MAP3K15: variants seen among roughly 807,000 people sequenced by gnomAD.
MAP3K15 encodes mitogen-activated protein kinase kinase kinase 15, also known as MAPK/ERK kinase kinase 15.
MAP3K15 carries 124 observed loss-of-function variants against 99.5 expected under a neutral mutation model. That is an observed-to-expected ratio of 1.25 (90% CI 1.08 to 1.45). MAP3K15 has a LOEUF of 1.45. Ranked by LOEUF, MAP3K15 falls within the 40% of genes most tolerant of loss-of-function variation. The pLI is 0.00. For synonymous variants in MAP3K15, 494 were observed against 439.6 expected, an observed-to-expected ratio of 1.12 and a Z score of -1.55; for missense variants, 1,242 against 1,079.7, an observed-to-expected ratio of 1.15 and a Z score of -2.11.
At chrX:19,416,363 C>T (rs771995429) in intron 9 of MAP3K15, among the ~76,000 whole-genome samples, 135 of 110,992 alleles carry the variant, frequency 1.2e-3, no homozygotes, top group African/African-American at 4.3e-3. Flanking sequence ...AAAACTTCCA[C>T]CGTGTGAGAC....
rs764385078 is a variant in MAP3K15, at chrX:19,425,662, T to C, written c.1308A>G (p.Arg436=). 1 of 1,199,225 alleles carries C rather than the reference T, an allele frequency of 8.3e-7. No homozygotes were observed. Among genetic ancestry groups the C allele is most frequent in the Non-Finnish European group, 1.1e-6 (1 of 894,518 alleles). The change falls in exon 9 of 29, where the codon AGA becomes AGG. Residue 436 remains arginine, a synonymous_variant. Coordinates refer to ENST00000338883, the MANE Select transcript of MAP3K15 (RefSeq NM_001001671.4). ...IGVRLNSLLG[R]KGSLEKMNNY... Reference sequence around the variant, plus strand: ...TGTTCATTTTCTCCAAGCTCCCTTTTCTTCCCAACAAACTGTTCAGCCGGA... The same window carrying C: ...TGTTCATTTTCTCCAAGCTCCCTTTCCTTCCCAACAAACTGTTCAGCCGGA...
chrX:19,431,616 A>G lies in MAP3K15; in HGVS notation c.996-8T>C. 8.4e-7 allele frequency: 1 copy of G among 1,189,305 alleles called. No homozygotes were observed. On this transcript the variant is annotated splice_polypyrimidine_tract_variant and splice_region_variant and intron_variant, in intron 6 of 28. Transcript: ENST00000338883. ...TCACCTGTGCTGTTTCTCCTGAAAG[A>G]TAGATGTTATAAGGTCACAAATGAA...
At chrX:19,438,658 T>C (rs1215773306) in intron 6 of MAP3K15, among the ~76,000 whole-genome samples, 2 of 111,827 alleles carry the variant, frequency 1.8e-5, no homozygotes, top group Non-Finnish European at 3.8e-5. Context: ...TTTTCTATAC[T>C]GTGTGTCTGT....
intron 15 of MAP3K15, 82 bp downstream of exon 15, chrX:19,398,144 C>A: frequency 9.3e-7 from 1 of 1,079,662 alleles, no homozygotes; most frequent in Non-Finnish European, 1.2e-6. Context: ...TTGCCCTTAA[C>A]TCCTCCACAC....
At chrX:19,417,847 C>T (rs1484253491) in intron 9 of MAP3K15, among the ~76,000 whole-genome samples, 1 of 111,864 alleles carries the variant, frequency 8.9e-6, no homozygotes, top group African/African-American at 3.3e-5. Flanking sequence ...GACAAAACTT[C>T]CAGAGGAATG....
At chrX:19,428,286 G>A (rs968773515) in intron 7 of MAP3K15, among the ~76,000 whole-genome samples, 1 of 112,007 alleles carries the variant, frequency 8.9e-6, no homozygotes, top group African/African-American at 3.2e-5. Context: ...ACCACCTTCT[G>A]AAGCCGCTGG....
At chrX:19,462,200 A>G (rs992233282) in intron 4 of MAP3K15, among the ~76,000 whole-genome samples, 1 of 112,247 alleles carries the variant, frequency 8.9e-6, no homozygotes, top group Non-Finnish European at 1.9e-5. Context: ...ACAATGCCAA[A>G]TATGTGTACA....
intron 3 of MAP3K15, among the ~76,000 whole-genome samples, chrX:19,469,819 A>G (rs1380002450): frequency 9.0e-6 from 1 of 110,602 alleles, no homozygotes; most frequent in African/African-American, 3.3e-5. Flanking sequence ...ATCACTGGCC[A>G]TCAGAGAAAT....
intron 1 of MAP3K15, among the ~76,000 whole-genome samples, chrX:19,506,090 G>T (rs1023323667): frequency 9.0e-6 from 1 of 111,099 alleles, no homozygotes; most frequent in Non-Finnish European, 1.9e-5. Context: ...CTGCCACAAC[G>T]CCCAGCTAAT....
chrX:19,514,846 G>A, intron 1 of MAP3K15, 55 bp downstream of exon 1: 1 of 763,544 alleles, frequency 1.3e-6, no homozygotes. Flanking sequence ...CGGGTGCCCT[G>A]GCTCGTGTGA....
intron 1 of MAP3K15, among the ~76,000 whole-genome samples, chrX:19,507,611 GAAC>G (rs1481079430): frequency 8.1e-5 from 3 of 37,049 alleles, no homozygotes; most frequent in South Asian, 1.5e-3. Context: ...AAAAAAAAAA[GAAC>G]AACTAATATA....
intron 6 of MAP3K15, among the ~76,000 whole-genome samples, chrX:19,444,130 T>C (rs774731256): frequency 8.9e-6 from 1 of 111,987 alleles, no homozygotes; most frequent in Non-Finnish European, 1.9e-5. Context: ...TCATCTGACT[T>C]GCTGAGCAAC....
chrX:19,374,720 C>A, intron 19 of MAP3K15, 60 bp from the exon 20 acceptor site: 1 of 1,056,789 alleles, frequency 9.5e-7, no homozygotes, highest in South Asian at 2.1e-5. Flanking sequence ...TTCAGGTATC[C>A]ATGTCTCAGT....
intron 22 of MAP3K15, among the ~76,000 whole-genome samples, chrX:19,371,854 C>T (rs1006530526): frequency 2.7e-5 from 3 of 111,378 alleles, no homozygotes; most frequent in African/African-American, 6.5e-5. Flanking sequence ...GGAGGGGGGC[C>T]GGGCACGGTG....
chrX:19,399,757 A>AC (rs2063595191), intron 14 of MAP3K15, among the ~76,000 whole-genome samples: 1 of 106,812 alleles, frequency 9.4e-6, no homozygotes, highest in African/African-American at 3.4e-5. Context: ...AAAAAAAAAA[A>AC]AAAAAAAAAC....
At chrX:19,388,974 T>C (rs1199400990) in intron 18 of MAP3K15, among the ~76,000 whole-genome samples, 1 of 111,791 alleles carries the variant, frequency 8.9e-6, no homozygotes, top group Non-Finnish European at 1.9e-5. Flanking sequence ...AACAACGAAG[T>C]ACCCATACAC....
At chrX:19,412,044 G>T (rs971965153) in intron 11 of MAP3K15, among the ~76,000 whole-genome samples, 6 of 112,011 alleles carry the variant, frequency 5.4e-5, no homozygotes, top group African/African-American at 1.9e-4. Context: ...AGAGAGGATA[G>T]TGGCAGACAG....
chrX:19,483,329 A>G (rs1416592894), intron 3 of MAP3K15, among the ~76,000 whole-genome samples: 1 of 110,323 alleles, frequency 9.1e-6, no homozygotes, highest in Non-Finnish European at 1.9e-5. Context: ...AATTCAATAC[A>G]TCATCAAGCA....
intron 6 of MAP3K15, among the ~76,000 whole-genome samples, chrX:19,451,218 G>A (rs2064035115): frequency 9.7e-6 from 1 of 102,984 alleles, no homozygotes; most frequent in African/African-American, 3.5e-5. Flanking sequence ...CCGGGAGGTG[G>A]AGGCTGCCTT....
Sources: allele counts gnomAD v4.1 joint callset (sites outside exome capture counted in the v4.1 genomes callset), GRCh38; gene constraint gnomAD v4.1.1; transcripts MANE v1.5; gene names NCBI Gene and HGNC (gene_info 2026-07-23, HGNC 2026-07-21).